SETD5: variants seen among roughly 807,000 people sequenced by gnomAD.
SETD5 encodes SET domain containing 5, also known as histone-lysine N-methyltransferase SETD5.
Under a neutral mutation model 153.3 loss-of-function variants are expected in SETD5, and 44 were observed. The ratio of observed to expected loss-of-function variants is 0.29; its 90% CI spans 0.23 to 0.37. SETD5 has a LOEUF of 0.37. Ranked by LOEUF, SETD5 falls within the 10% of genes least tolerant of loss-of-function variation. The pLI is 1.00. For synonymous variants in SETD5, 716 were observed against 645.2 expected (o/e 1.11, Z -1.66); for missense variants, 1,544 against 1,768.0 (o/e 0.87, Z 2.27).
intron 7 of SETD5, among the ~76,000 whole-genome samples, chr3:9,439,008 C>T (rs575205829): frequency 1.3e-5 from 2 of 152,276 alleles, no homozygotes; most frequent in South Asian, 2.1e-4. Flanking sequence ...GTGAGATTAG[C>T]GAACAATGGC....
intron 1 of SETD5, among the ~76,000 whole-genome samples, chr3:9,417,290 A>G (rs2037608602): frequency 6.6e-6 from 1 of 152,158 alleles, no homozygotes; most frequent in African/African-American, 2.4e-5. Context: ...CAAAAATTTC[A>G]AAGGAGAATA....
intron 1 of SETD5, among the ~76,000 whole-genome samples, chr3:9,406,284 G>A (rs185310151): frequency 1.3e-5 from 2 of 152,154 alleles, no homozygotes; most frequent in Admixed American, 1.3e-4. Flanking sequence ...CAAAGAGAAG[G>A]GCCTTTGAAG....
intron 17 of SETD5, among the ~76,000 whole-genome samples, chr3:9,464,151 A>G (rs2044297292): frequency 6.6e-6 from 1 of 152,200 alleles, no homozygotes; most frequent in Non-Finnish European, 1.5e-5. Flanking sequence ...TGAATAAATG[A>G]AAGAATTTTA....
rs772295729 is a variant in SETD5 at position 9,448,521 on chromosome 3, C to T, written c.2237C>T (p.Pro746Leu). ...ATGTTACCAGGTCTTATCCATTCCCCGTTAATTTGCACCACCCCCAAACAC... is the reference window on the plus strand; with the variant it reads ...ATGTTACCAGGTCTTATCCATTCCCTGTTAATTTGCACCACCCCCAAACAC... ...LNMLPGLIHSPLICTTPKHYI... is the reference protein window; with the variant it reads ...LNMLPGLIHSLLICTTPKHYI... Residue 746 changes from proline to leucine, a missense_variant, in exon 16 of 23, where the codon CCG (proline) becomes CTG (leucine). By Grantham distance (98) the Pro-to-Leu change is moderately conservative (BLOSUM62 -3). This residue lies in a region of SETD5 where 782 missense variants were observed against 787.2 expected (regional missense o/e 0.99). Coordinates refer to ENST00000402198, the MANE Select transcript of SETD5 (RefSeq NM_001080517.3). 1.9e-6 allele frequency: 3 copies of T among 1,613,934 alleles called. No homozygotes were observed. The highest frequency in any genetic ancestry group is 2.5e-6 in the Non-Finnish European group (3 of 1,179,854).
intron 7 of SETD5, among the ~76,000 whole-genome samples, chr3:9,437,729 G>T (rs112076221): frequency 0.038 from 5,718 of 152,184 alleles, 159 homozygotes; most frequent in Non-Finnish European, 0.059. Context: ...AAGGCCAGGC[G>T]CAGTAGCTCA....
At chr3:9,423,939 A>G (rs905481596) in intron 1 of SETD5, among the ~76,000 whole-genome samples, 1 of 152,100 alleles carries the variant, frequency 6.6e-6, no homozygotes. Context: ...AATAGAACTG[A>G]CTCCTTTTTA....
In SETD5 at chr3:9,434,541, A is replaced by T; in HGVS notation, c.329+56A>T. On this transcript the variant is annotated intron_variant, in intron 5 of 22. Coordinates refer to ENST00000402198, the MANE Select transcript of SETD5 (RefSeq NM_001080517.3). The surrounding 1 kb of genome is among the most constrained non-coding windows in gnomAD (Gnocchi z 5.6). ...TGGGTTGCTGGGATTAGGGTTTCTT[A>T]CAAGTAGGGAAAAGCTCAAAGTATT... 3 of 1,607,846 alleles carry T rather than the reference A, an allele frequency of 1.9e-6. No homozygotes were observed. Among genetic ancestry groups the T allele is most frequent in the Non-Finnish European group, 2.5e-6 (3 of 1,176,516 alleles).
chr3:9,436,669 T>C (rs1392862478), intron 7 of SETD5, among the ~76,000 whole-genome samples: 2 of 152,242 alleles, frequency 1.3e-5, no homozygotes, highest in Non-Finnish European at 2.9e-5. Context: ...TCAGAGTTCA[T>C]TGGCCTTGAG....
At chr3:9,410,725 T>G (rs1190743253) in intron 1 of SETD5, among the ~76,000 whole-genome samples, 1 of 152,170 alleles carries the variant, frequency 6.6e-6, no homozygotes, top group South Asian at 2.1e-4. Context: ...GTTCATTTAC[T>G]AAAACTATTT....
Position 9,430,591 on chromosome 3 carries a change from T to C in SETD5, c.71+1582T>C, listed in dbSNP as rs993551517. The C allele has an allele frequency of 1.5e-5, 3 of 196,318 alleles. No homozygotes were observed. In the Admixed American group the frequency reaches 2.0e-4, roughly 13 times the overall value. 12.2% of individuals were successfully genotyped at this position (196,318 alleles called of 1,614,324 possible). On this transcript the variant is annotated intron_variant, in intron 3 of 22. Transcript: ENST00000402198. ...AGTTTGTATTGTGTTTATAGGTTTT[T>C]ATAAAGTCAGCTACTAACCTGGTAC...
chr3:9,473,498 C>T lies in SETD5; in HGVS notation c.3458C>T (p.Ser1153Leu), dbSNP rs536823549. ...VSPSDSRGTS[S>L]SHCRPQENIS... ...CCATCAGATTCCAGAGGCACTTCTT[C>T]ATCTCACTGCAGACCTCAAGAGAAT... is the stretch of plus-strand genomic sequence containing the variant. The change falls in exon 20 of 23, where the codon TCA (serine) becomes TTA (leucine). Residue 1153 changes from serine (S) to leucine (L), a missense_variant. This residue lies in a region of SETD5 where 93 missense variants were observed against 93.4 expected (regional missense o/e 1.00). Transcript: ENST00000402198. 3.7e-5 allele frequency: 59 copies of T among 1,613,710 alleles called. 1 individual carries two copies. In the East Asian group the frequency reaches 1.2e-3, roughly 32 times the overall value.
At position 9,448,019 on chromosome 3, in the gene SETD5, T is replaced by C. The variant is rs2042213571; in HGVS notation, c.2103+13T>C. 5.0e-6 allele frequency: 8 copies of C among 1,606,710 alleles called. No homozygotes were observed. Among genetic ancestry groups the C allele is most frequent in the Non-Finnish European group, 6.8e-6 (8 of 1,175,270 alleles). The stretch of plus-strand genomic sequence containing the variant: ...CAAAACCAAAAAGGTAAGTCACAAA[T>C]GCATCCTTTATAAGTCCAGTCTGGC... On this transcript the variant is annotated intron_variant, in intron 15 of 22. Transcript: ENST00000402198.
intron 22 of SETD5, 66 bp from the exon 23 acceptor site, chr3:9,475,416 TA>T (rs1280291763): frequency 1.3e-6 from 2 of 1,542,890 alleles, no homozygotes; most frequent in African/African-American, 2.8e-5. Context: ...TAGGGTATTA[TA>T]AATGTTCACC....
At chr3:9,401,030 A>G (rs2034687374) in intron 1 of SETD5, among the ~76,000 whole-genome samples, 1 of 152,216 alleles carries the variant, frequency 6.6e-6, no homozygotes, top group Non-Finnish European at 1.5e-5. Flanking sequence ...GTGTAAATGT[A>G]CTTAAATCTC....
chr3:9,417,638 A>G (rs3929274), intron 1 of SETD5, among the ~76,000 whole-genome samples: 3,073 of 151,500 alleles, frequency 0.02, 107 homozygotes, highest in African/African-American at 0.069. Context: ...GGCGCCCACC[A>G]CCATGCCCAG....
chr3:9,424,908 T>G (rs1484071741), intron 2 of SETD5, among the ~76,000 whole-genome samples: 2 of 152,194 alleles, frequency 1.3e-5, no homozygotes, highest in Admixed American at 1.3e-4. Context: ...AGCCTCATCA[T>G]TATTAAAGCA....
chr3:9,425,702 A>C (rs2039083301), intron 2 of SETD5, among the ~76,000 whole-genome samples: 1 of 151,906 alleles, frequency 6.6e-6, no homozygotes, highest in African/African-American at 2.4e-5. Context: ...CAGCCTCCCA[A>C]GTAGCTGGGA....
At position 9,466,672 on chromosome 3, in the gene SETD5, G is replaced by C. The variant is rs73811490; in HGVS notation, c.2724+2000G>C. 6.6e-3 allele frequency among the ~76,000 whole-genome samples: 999 copies of C among 152,224 alleles called. 12 individuals are homozygous for C. The highest frequency in any genetic ancestry group is 0.022 in the African/African-American group (926 of 41,518). On this transcript the variant is annotated intron_variant, in intron 18 of 22. Coordinates refer to ENST00000402198, the MANE Select transcript of SETD5 (RefSeq NM_001080517.3). ...GTATTCTAGTACAGAGAGGTGGGGAGCCTTTTTTGTAGCAAAGGCTGTGAC... is the reference window on the plus strand; with the variant it reads ...GTATTCTAGTACAGAGAGGTGGGGACCCTTTTTTGTAGCAAAGGCTGTGAC...
At position 9,476,127 on chromosome 3, in the gene SETD5, C is replaced by T. The variant is rs1441972515; in HGVS notation, c.*36C>T. 2 of 1,586,912 alleles carry T rather than the reference C, an allele frequency of 1.3e-6. No individual in the cohort carries two copies. Among genetic ancestry groups the T allele is most frequent in the Middle Eastern group, 1.7e-4 (1 of 5,966 alleles). Reference sequence around the variant, plus strand: ...TTTGGGCAAACAGAACTGAATGAGCCCATAGCTGCTTCCTTCCAGCTGCCT... The same window carrying T: ...TTTGGGCAAACAGAACTGAATGAGCTCATAGCTGCTTCCTTCCAGCTGCCT... On this transcript the variant is annotated 3_prime_UTR_variant, in exon 23 of 23. Transcript: ENST00000402198.
Sources: allele counts gnomAD v4.1 joint callset (sites outside exome capture counted in the v4.1 genomes callset), GRCh38; gene constraint gnomAD v4.1.1; regional missense constraint gnomAD v4.1.1; non-coding constraint Gnocchi (gnomAD v3.1); transcripts MANE v1.5; gene names NCBI Gene and HGNC (gene_info 2026-07-23, HGNC 2026-07-21).